The following CTNND2 variants were observed in gnomAD, a reference collection of about 807,000 sequenced individuals.
CTNND2 encodes the protein catenin delta 2, also known as catenin delta-2.
CTNND2 carries 22 observed loss-of-function variants against 144.4 expected under a neutral mutation model. The observed-to-expected ratio is 0.15, with a 90% CI of 0.11 to 0.22. CTNND2 has a LOEUF of 0.22. Among genes scored for constraint, CTNND2 ranks in the 10% least tolerant of loss-of-function variants. The pLI, the probability that CTNND2 is intolerant of heterozygous loss-of-function variation, is 1.00. For missense variants in CTNND2, 1,353 were observed against 1,618.8 expected (o/e 0.84, Z 2.82); for synonymous variants, 751 against 695.6 (o/e 1.08, Z -1.25).
chr5:11,640,609 C>A (rs1299810211), intron 2 of CTNND2, among the ~76,000 whole-genome samples: 2 of 152,312 alleles, frequency 1.3e-5, no homozygotes, highest in Middle Eastern at 6.8e-3. Context: ...CCTGCACGTG[C>A]CCTATGCCCT....
At chr5:11,815,705 AG>A (rs1426712755) in intron 1 of CTNND2, among the ~76,000 whole-genome samples, 1 of 152,170 alleles carries the variant, frequency 6.6e-6, no homozygotes, top group Non-Finnish European at 1.5e-5. Flanking sequence ...AACAGGATGA[AG>A]AGTAGGGTTC....
At chr5:11,521,558 T>C (rs1772716663) in intron 3 of CTNND2, among the ~76,000 whole-genome samples, 1 of 152,216 alleles carries the variant, frequency 6.6e-6, no homozygotes, top group South Asian at 2.1e-4. Flanking sequence ...CATATATACA[T>C]AGTCAACATT....
At position 11,192,737 on chromosome 5, in the gene CTNND2, G is replaced by A. The variant is rs149472597; in HGVS notation, c.1975+6711C>T. Among the ~76,000 whole-genome samples, 658 of 152,246 alleles carry A rather than the reference G, an allele frequency of 4.3e-3. 1 individual carries two copies. The highest frequency in any genetic ancestry group is 0.015 in the African/African-American group (619 of 41,546). Reference sequence around the variant, plus strand: ...AGCGTCCTGAAAGCAACACAGCCCCGGTGACAGCTGGATTGTAGCCAGGTG... The same window carrying A: ...AGCGTCCTGAAAGCAACACAGCCCCAGTGACAGCTGGATTGTAGCCAGGTG... On this transcript the variant is annotated intron_variant, in intron 11 of 21. Coordinates refer to ENST00000304623, the MANE Select transcript of CTNND2 (RefSeq NM_001332.4).
At chr5:11,407,633 T>C (rs547414865) in intron 5 of CTNND2, among the ~76,000 whole-genome samples, 1 of 152,324 alleles carries the variant, frequency 6.6e-6, no homozygotes, top group Admixed American at 6.5e-5. Context: ...AGACTGAGTT[T>C]AGACAGTATT....
At chr5:11,398,722 C>T (rs1247854353) in intron 5 of CTNND2, among the ~76,000 whole-genome samples, 1 of 152,100 alleles carries the variant, frequency 6.6e-6, no homozygotes, top group Non-Finnish European at 1.5e-5. Context: ...ACAGTATGTA[C>T]CAGATGGTAA....
chr5:11,234,504 G>T (rs1459080902), intron 10 of CTNND2, among the ~76,000 whole-genome samples: 1 of 152,218 alleles, frequency 6.6e-6, no homozygotes, highest in Non-Finnish European at 1.5e-5. Flanking sequence ...AGCCCGGGAA[G>T]CTCATCCATC....
At chr5:11,160,394 G>C (rs1030773091) in intron 11 of CTNND2, among the ~76,000 whole-genome samples, 1 of 152,192 alleles carries the variant, frequency 6.6e-6, no homozygotes, top group African/African-American at 2.4e-5. Context: ...GAGAAGAAGA[G>C]GGCATGTCCA....
At chr5:11,364,226 A>T (rs1415015900) in intron 8 of CTNND2, among the ~76,000 whole-genome samples, 1 of 152,256 alleles carries the variant, frequency 6.6e-6, no homozygotes, top group African/African-American at 2.4e-5. Flanking sequence ...CTATTAGTGT[A>T]TATGAAATAA....
intron 14 of CTNND2, 71 bp downstream of exon 14, chr5:11,110,787 A>G (rs757875903): frequency 3.5e-6 from 5 of 1,409,176 alleles, no homozygotes; most frequent in Non-Finnish European, 4.9e-6. Flanking sequence ...CATTCTCTAT[A>G]TATTGAGGAT....
At chr5:11,874,998 T>C (rs1426607271) in intron 1 of CTNND2, among the ~76,000 whole-genome samples, 1 of 152,142 alleles carries the variant, frequency 6.6e-6, no homozygotes, top group Non-Finnish European at 1.5e-5. Flanking sequence ...ACATAAATAA[T>C]CTAATCACAA....
At position 11,126,257 on chromosome 5, in the gene CTNND2, C is replaced by T. The variant is rs539139574; in HGVS notation, c.2160-8690G>A. The stretch of plus-strand genomic sequence containing the variant: ...CGGAGGTTGCGGTGAGCTGAGATCA[C>T]GCCATTGCACTCCAGCCTGGGCAAC... On this transcript the variant is annotated intron_variant, in intron 12 of 21. Coordinates refer to ENST00000304623, the MANE Select transcript of CTNND2 (RefSeq NM_001332.4). Among the ~76,000 whole-genome samples, 421 of 152,170 alleles carry T rather than the reference C, an allele frequency of 2.8e-3. 3 individuals are homozygous for T. The highest frequency in any genetic ancestry group is 0.01 in the Middle Eastern group (3 of 294).
intron 12 of CTNND2, among the ~76,000 whole-genome samples, chr5:11,143,184 T>A (rs1425161555): frequency 2.0e-5 from 3 of 152,170 alleles, no homozygotes; most frequent in Non-Finnish European, 4.4e-5. Context: ...TAATACCCCA[T>A]TAGCTCTGGG....
At chr5:11,521,797 T>C (rs1182508119) in intron 3 of CTNND2, among the ~76,000 whole-genome samples, 2 of 152,228 alleles carry the variant, frequency 1.3e-5, no homozygotes, top group Admixed American at 6.5e-5. Context: ...GTTGAGTGAA[T>C]GATGCATAGC....
At chr5:11,542,330 C>T (rs987438697) in intron 3 of CTNND2, among the ~76,000 whole-genome samples, 9 of 152,106 alleles carry the variant, frequency 5.9e-5, no homozygotes, top group African/African-American at 2.2e-4. Context: ...GTCCTTTTAC[C>T]TAATCATTCC....
At chr5:11,545,145 A>G (rs1344854170) in intron 3 of CTNND2, among the ~76,000 whole-genome samples, 4 of 151,078 alleles carry the variant, frequency 2.6e-5, no homozygotes, top group Admixed American at 2.0e-4. Flanking sequence ...AGGAAAAAAA[A>G]AAAAAAGAAA....
chr5:11,899,884 A>C (rs1737716262), intron 1 of CTNND2, among the ~76,000 whole-genome samples: 1 of 152,178 alleles, frequency 6.6e-6, no homozygotes, highest in Admixed American at 6.5e-5. Flanking sequence ...CTCTCTCCAC[A>C]TCTCTGTACC....
At chr5:11,366,170 G>A (rs548077235) in intron 7 of CTNND2, among the ~76,000 whole-genome samples, 39 of 152,212 alleles carry the variant, frequency 2.6e-4, no homozygotes, top group African/African-American at 8.4e-4. Context: ...TGTTAGGTCT[G>A]TTTTGTCAGG....
At chr5:11,634,209 T>C (rs1457038916) in intron 2 of CTNND2, among the ~76,000 whole-genome samples, 4 of 152,194 alleles carry the variant, frequency 2.6e-5, no homozygotes, top group Non-Finnish European at 5.9e-5. Context: ...TTTGTCTGGT[T>C]GTACATAATG....
At chr5:10,978,813 T>C (rs1445914571) in intron 21 of CTNND2, among the ~76,000 whole-genome samples, 1 of 152,234 alleles carries the variant, frequency 6.6e-6, no homozygotes, top group Non-Finnish European at 1.5e-5. Flanking sequence ...GGCTAGGTGG[T>C]GTTCACACTC....
Sources: allele counts gnomAD v4.1 joint callset (sites outside exome capture counted in the v4.1 genomes callset), GRCh38; gene constraint gnomAD v4.1.1; transcripts MANE v1.5; gene names NCBI Gene and HGNC (gene_info 2026-07-23, HGNC 2026-07-21).